The following MAGI1 variants were observed in gnomAD, a reference collection of about 807,000 sequenced individuals.
MAGI1 encodes membrane associated guanylate kinase, WW and PDZ domain containing 1.
In MAGI1, 58 loss-of-function variants were observed where a neutral mutation model predicts 139.9. The ratio of observed to expected loss-of-function variants is 0.41; its 90% CI spans 0.34 to 0.52. The LOEUF is 0.52. Ranked by LOEUF, MAGI1 falls within the 20% of genes least tolerant of loss-of-function variation. MAGI1 has a pLI of 0.12. For synonymous variants in MAGI1, 812 were observed against 737.9 expected (o/e 1.10, Z -1.63); for missense variants, 1,874 against 1,901.6 (o/e 0.99, Z 0.27).
At chr3:65,740,021 C>T (rs1283500650) in intron 1 of MAGI1, among the ~76,000 whole-genome samples, 2 of 151,890 alleles carry the variant, frequency 1.3e-5, no homozygotes, top group East Asian at 3.9e-4. Flanking sequence ...GCAGTATCTG[C>T]AAAGTGCAAT....
At chr3:65,629,564 A>C (rs1445975407) in intron 1 of MAGI1, among the ~76,000 whole-genome samples, 3 of 136,560 alleles carry the variant, frequency 2.2e-5, no homozygotes, top group Non-Finnish European at 4.6e-5. Flanking sequence ...ATTACAGCAA[A>C]AAAAAAAAAA....
At chr3:66,024,920 C>G (rs567023468) in intron 1 of MAGI1, among the ~76,000 whole-genome samples, 1 of 152,266 alleles carries the variant, frequency 6.6e-6, no homozygotes, top group African/African-American at 2.4e-5. Context: ...TGAAAAATTA[C>G]AGGACTCTCG....
intron 2 of MAGI1, among the ~76,000 whole-genome samples, chr3:65,537,014 G>A (rs1046973297): frequency 1.3e-5 from 2 of 152,068 alleles, no homozygotes; most frequent in African/African-American, 4.8e-5. Context: ...AATTCTTCTG[G>A]CTATGACAAT....
intron 1 of MAGI1, among the ~76,000 whole-genome samples, chr3:65,694,112 CTGG>C (rs1423586255): frequency 2.0e-5 from 3 of 152,176 alleles, no homozygotes; most frequent in African/African-American, 7.2e-5. Flanking sequence ...AAGATGAAAA[CTGG>C]TGATGTAAAA....
chr3:65,709,240 A>G (rs1325797261), intron 1 of MAGI1, among the ~76,000 whole-genome samples: 1 of 152,228 alleles, frequency 6.6e-6, no homozygotes, highest in African/African-American at 2.4e-5. Context: ...ATGCAGCTCA[A>G]CACATTTCTT....
At chr3:65,461,900 T>C (rs1949823536) in intron 5 of MAGI1, among the ~76,000 whole-genome samples, 1 of 152,216 alleles carries the variant, frequency 6.6e-6, no homozygotes, top group Non-Finnish European at 1.5e-5. Context: ...TTTTCACATA[T>C]TTGTTGGCCA....
intron 13 of MAGI1, among the ~76,000 whole-genome samples, chr3:65,396,794 G>A (rs955028203): frequency 6.6e-6 from 1 of 152,208 alleles, no homozygotes; most frequent in Non-Finnish European, 1.5e-5. Flanking sequence ...AAGGGTGTGT[G>A]AAAATCAGAG....
chr3:65,788,039 C>T (rs1195016115), intron 1 of MAGI1, among the ~76,000 whole-genome samples: 2 of 152,164 alleles, frequency 1.3e-5, no homozygotes, highest in Admixed American at 1.3e-4. Flanking sequence ...TCCTCTTCCC[C>T]CACTTTTACT....
chr3:66,002,037 C>T (rs1221305356), intron 1 of MAGI1, among the ~76,000 whole-genome samples: 1 of 152,184 alleles, frequency 6.6e-6, no homozygotes. Flanking sequence ...TCTGAAGCCA[C>T]TTGACAGGCT....
Position 65,994,811 on chromosome 3 carries a change from G to A in MAGI1, c.313+43185C>T, listed in dbSNP as rs189109134. Among the ~76,000 whole-genome samples the A allele has an allele frequency of 1.6e-3, 246 of 152,310 alleles. 1 individual carries two copies. Among genetic ancestry groups the A allele is most frequent in the African/African-American group, 5.6e-3 (231 of 41,568 alleles). The stretch of plus-strand genomic sequence containing the variant: ...ACCTTCAACAGGAGGGGACTCTCTA[G>A]GCACATGAAGTGGGTTTCACTGAGG... On this transcript the variant is annotated intron_variant, in intron 1 of 22. Transcript: ENST00000402939.
At chr3:65,395,545 T>C (rs1944311422) in intron 13 of MAGI1, among the ~76,000 whole-genome samples, 1 of 146,390 alleles carries the variant, frequency 6.8e-6, no homozygotes, top group Non-Finnish European at 1.5e-5. Flanking sequence ...GGGAGGCTGA[T>C]GCACGAGAAT....
At chr3:65,528,602 G>A (rs913974044) in intron 2 of MAGI1, among the ~76,000 whole-genome samples, 7 of 152,200 alleles carry the variant, frequency 4.6e-5, no homozygotes, top group Non-Finnish European at 1.0e-4. Context: ...AAGGGCTGTT[G>A]TGATCATTTC....
chr3:65,473,736 T>C (rs1950699543), intron 4 of MAGI1, among the ~76,000 whole-genome samples: 1 of 137,388 alleles, frequency 7.3e-6, no homozygotes, highest in Non-Finnish European at 1.6e-5. Context: ...GTAATTTTAA[T>C]TTCCTGGAGG....
intron 1 of MAGI1, among the ~76,000 whole-genome samples, chr3:65,835,153 T>A (rs1401514570): frequency 6.6e-6 from 1 of 152,214 alleles, no homozygotes; most frequent in Non-Finnish European, 1.5e-5. Context: ...TCTGTTTCTC[T>A]TTTCTCCAAT....
chr3:65,410,475 G>T (rs538214605), intron 12 of MAGI1, among the ~76,000 whole-genome samples: 1 of 152,158 alleles, frequency 6.6e-6, no homozygotes. Flanking sequence ...TCATTCAAAG[G>T]TTCCTTAATT....
At chr3:65,594,826 C>T (rs1288383816) in intron 2 of MAGI1, among the ~76,000 whole-genome samples, 2 of 152,112 alleles carry the variant, frequency 1.3e-5, no homozygotes, top group Non-Finnish European at 2.9e-5. Context: ...TTTTCTAGTA[C>T]TATCAACTCT....
In MAGI1 at chr3:65,495,690, A is replaced by G. The variant is rs1175233902; in HGVS notation, c.431-2059T>C. On this transcript the variant is annotated intron_variant, in intron 2 of 22. Transcript: ENST00000402939. ...ACTGAAAGATTAGAAAGTATCTCAG[A>G]GCAACATAGGTTAAAGGTTTAGACA... 3.9e-5 allele frequency among the ~76,000 whole-genome samples: 6 copies of G among 152,344 alleles called. No homozygotes were observed. The East Asian group carries it at 1.2e-3, about 29-fold the overall frequency.
chr3:65,731,978 T>C (rs1291349965), intron 1 of MAGI1, among the ~76,000 whole-genome samples: 1 of 152,232 alleles, frequency 6.6e-6, no homozygotes, highest in Non-Finnish European at 1.5e-5. Flanking sequence ...AATACTGGGA[T>C]ACTGAAATGT....
At chr3:65,933,539 C>T (rs898179133) in intron 1 of MAGI1, among the ~76,000 whole-genome samples, 1 of 152,170 alleles carries the variant, frequency 6.6e-6, no homozygotes, top group South Asian at 2.1e-4. Context: ...GCCTTGGGAA[C>T]AATACTGTGC....
Sources: gnomAD v4.1 joint callset for allele counts (sites outside exome capture counted in the v4.1 genomes callset) on GRCh38, gnomAD v4.1.1 for gene constraint, MANE v1.5 for transcripts, NCBI Gene and HGNC (gene_info 2026-07-23, HGNC 2026-07-21) for gene names.